Variants in CASP1 observed in about 807,000 individuals in gnomAD.
CASP1 encodes caspase-1.
CASP1 carries 31 observed loss-of-function variants against 41.2 expected under a neutral mutation model. The ratio of observed to expected loss-of-function variants is 0.75; its 90% CI spans 0.57 to 1.02. The LOEUF (loss-of-function observed/expected upper bound fraction) is 1.02. Among genes scored for constraint, CASP1 ranks in the 50% least tolerant of loss-of-function variants. The probability of loss-of-function intolerance (pLI) is 0.00; values close to 1 mark genes in which losing one functional copy is unlikely to be tolerated. For synonymous variants in CASP1, 163 were observed against 166.5 expected (o/e 0.98, Z 0.16); for missense variants, 490 against 495.7 (o/e 0.99, Z 0.11).
intron 7 of CASP1, among the ~76,000 whole-genome samples, 165 bp downstream of exon 7, chr11:105,028,959 T>C (rs1021302474): frequency 6.6e-6 from 1 of 152,170 alleles, no homozygotes; most frequent in Non-Finnish European, 1.5e-5. Context: ...TAGTAATGCA[T>C]TGAACAGATA....
chr11:105,029,293 A>C, intron 6 of CASP1, 26 bp from the exon 7 acceptor site: 1 of 1,600,256 alleles, frequency 6.2e-7, no homozygotes, highest in Non-Finnish European at 8.5e-7. Context: ...TTGATTTGTT[A>C]CTACTACCAA....
intron 3 of CASP1, among the ~76,000 whole-genome samples, chr11:105,032,644 G>A (rs181966379): frequency 1.7e-3 from 261 of 152,260 alleles, no homozygotes; most frequent in African/African-American, 5.9e-3. Flanking sequence ...AGAAGGAAGG[G>A]TCCCATATGA....
At chr11:105,028,895 C>T (rs567031575) in intron 7 of CASP1, among the ~76,000 whole-genome samples, 13 of 152,298 alleles carry the variant, frequency 8.5e-5, no homozygotes, top group African/African-American at 2.6e-4. Flanking sequence ...ATTTAATTCT[C>T]TGCTATCGCT....
Position 105,026,694 on chromosome 11 carries a change from G to A in CASP1, c.1116+148C>T, listed in dbSNP as rs895367235. The A allele has an allele frequency of 1.9e-5, 12 of 620,886 alleles. No homozygotes were observed. In the East Asian group the frequency reaches 3.3e-4, roughly 17 times the overall value. 38.5% of individuals were successfully genotyped at this position (620,886 alleles called of 1,614,324 possible). A position where few individuals can be genotyped will look rare whatever the true frequency, so the allele number is the denominator to read the frequency against. On this transcript the variant is annotated intron_variant, in intron 8 of 8. Transcript: ENST00000533400. ...TAGATTGGATTAGGCTCCTGGGTTT[G>A]TCCACTCTCCAAAGAACTCCAAAAC...
At position 105,029,853 on chromosome 11, in the gene CASP1, T is replaced by G; in HGVS notation, c.674A>C (p.Lys225Thr). Residue 225 changes from lysine (K) to threonine (T), a missense_variant, in exon 6 of 9, where the codon AAG becomes ACG. Lys to Thr is a moderately conservative substitution (Grantham distance 78, BLOSUM62 -1). Transcript: ENST00000533400. ...CACCAGGAACGTGCTGTCAGAGGTC[T>G]TGTGCTCTGGGCGGTGTGCAAATGC... The part of the protein sequence containing the change: ...LEAFAHRPEH[K>T]TSDSTFLVFM... 1.9e-6 allele frequency: 3 copies of G among 1,613,802 alleles called. No homozygotes were observed. Among genetic ancestry groups the G allele is most frequent in the Non-Finnish European group, 2.5e-6 (3 of 1,179,742 alleles).
chr11:105,032,627 G>C (rs574101722), intron 3 of CASP1, among the ~76,000 whole-genome samples: 6 of 152,276 alleles, frequency 3.9e-5, no homozygotes, highest in Admixed American at 3.9e-4. Context: ...AATGTTAGAG[G>C]TGCATGAGAA....
chr11:105,030,281 A>T, intron 5 of CASP1, 49 bp downstream of exon 5: 1 of 1,407,766 alleles, frequency 7.1e-7, no homozygotes, highest in Non-Finnish European at 9.8e-7. Flanking sequence ...AATATTATTC[A>T]GTTATACGAA....
chr11:105,036,545 T>G (rs75888398), upstream of CASP1, among the ~76,000 whole-genome samples: 5,900 of 152,214 alleles, frequency 0.039, 190 homozygotes, highest in Non-Finnish European at 0.061. Context: ...ATAATGAATG[T>G]CTCATGAGAT....
At position 105,029,201 on chromosome 11, in the gene CASP1, G is replaced by T; in HGVS notation, c.929C>A (p.Thr310Lys). ...AATAGCATCATCCTCAAACTCTTCT[G>T]TAGTTGGTAAAGATAGGTTTCCAGA... ...GVSGNLSLPTTEEFEDDAIKK... is the reference protein window; with the variant it reads ...GVSGNLSLPTKEEFEDDAIKK... The change falls in exon 7 of 9, where the codon ACA becomes AAA. Residue 310 changes from threonine (T) to lysine (K), a missense_variant. Physicochemically the swap from Thr to Lys is moderately conservative, Grantham distance 78. Transcript: ENST00000533400. The T allele has an allele frequency of 6.2e-7, 1 of 1,613,038 alleles. No individual in the cohort carries two copies. The highest frequency in any genetic ancestry group is 8.5e-7 in the Non-Finnish European group (1 of 1,179,278).
rs995872338 is a variant in CASP1, at chr11:105,034,671, G to A, written c.8-197C>T. Reference sequence around the variant, plus strand: ...TCCATACATGTGCATGGAGTGACCTGAAGACTGAGTTTACCATTTCCACAT... The same window carrying A: ...TCCATACATGTGCATGGAGTGACCTAAAGACTGAGTTTACCATTTCCACAT... On this transcript the variant is annotated intron_variant, in intron 1 of 8. Transcript: ENST00000533400. The A allele has an allele frequency of 1.6e-5, 14 of 897,868 alleles. No homozygotes were observed. The African/African-American group carries it at 1.9e-4, about 12-fold the overall frequency. The allele number at this position is 897,868 out of a possible 1,614,324, so 55.6% of individuals were successfully genotyped here.
chr11:105,026,773 T>G (rs917375742), intron 8 of CASP1, 69 bp downstream of exon 8: 2 of 839,938 alleles, frequency 2.4e-6, no homozygotes, highest in Non-Finnish European at 4.2e-6. Flanking sequence ...ATCTGCTTTC[T>G]ATGCTTCCAA....
Position 105,025,656 on chromosome 11 carries a change from A to G in CASP1, c.*602T>C. 1 of 392,722 alleles carries G rather than the reference A, an allele frequency of 2.5e-6. No homozygotes were observed. 24.3% of individuals were successfully genotyped at this position (392,722 alleles called of 1,614,324 possible). A position where few individuals can be genotyped will look rare whatever the true frequency, so the allele number is the denominator to read the frequency against. Reference sequence around the variant, plus strand: ...AACATAGGAAAGAATTTTGTTAAAGACATGCAAGTTATAAAGTTATACCAC... The same window carrying G: ...AACATAGGAAAGAATTTTGTTAAAGGCATGCAAGTTATAAAGTTATACCAC... On this transcript the variant is annotated 3_prime_UTR_variant, in exon 9 of 9. Transcript: ENST00000533400.
At chr11:105,027,322 C>T (rs1279843383) in intron 7 of CASP1, 1 of 366,138 alleles carries the variant, frequency 2.7e-6, no homozygotes, top group East Asian at 4.3e-5. Context: ...TTATCAAATT[C>T]TCAATTTATG....
chr11:105,033,104 A>G lies in CASP1; in HGVS notation c.297T>C (p.Leu99=). ...GTACTCCTTGAGAGTCTTGCATATT[A>G]AGGTAATTTCCAGATGTTTGATCTA... ...LSADQTSGNY[L]NMQDSQGVLS... Residue 99 remains leucine, a synonymous_variant, in exon 3 of 9, where the codon CTT becomes CTC. Coordinates refer to ENST00000533400, the MANE Select transcript of CASP1 (RefSeq NM_001257118.3). The G allele has an allele frequency of 6.3e-7, 1 of 1,586,542 alleles. No homozygotes were observed. The highest frequency in any genetic ancestry group is 8.6e-7 in the Non-Finnish European group (1 of 1,156,934).
At chr11:105,027,084 T>C in intron 7 of CASP1, 133 bp from the exon 8 acceptor site, 2 of 707,376 alleles carry the variant, frequency 2.8e-6, no homozygotes, top group Admixed American at 2.0e-5. Context: ...AAAGGCGGAA[T>C]GGGGTAGAGG....
At position 105,029,388 on chromosome 11, in the gene CASP1, G is replaced by C. The variant is rs503153; in HGVS notation, c.863-121C>G. 0.16 allele frequency: 121,463 copies of C among 776,658 alleles called. 10,674 individuals carry two copies. Among genetic ancestry groups the C allele is most frequent in the Admixed American group, 0.27 (9,446 of 35,020 alleles). 48.1% of individuals were successfully genotyped at this position (776,658 alleles called of 1,614,324 possible). A position where few individuals can be genotyped will look rare whatever the true frequency, so the allele number is the denominator to read the frequency against. On this transcript the variant is annotated intron_variant, in intron 6 of 8. Coordinates refer to ENST00000533400, the MANE Select transcript of CASP1 (RefSeq NM_001257118.3). ...TCTATCATTAATTCACATGCAAATA[G>C]ACACATGCATTTCAGTTACAATCTT...
At chr11:105,034,883 A>G (rs1863928638) in intron 1 of CASP1, among the ~76,000 whole-genome samples, 1 of 152,190 alleles carries the variant, frequency 6.6e-6, no homozygotes, top group Non-Finnish European at 1.5e-5. Flanking sequence ...AGATTGCAAA[A>G]TGACATCAGG....
At chr11:105,028,545 C>G (rs980597893) in intron 7 of CASP1, among the ~76,000 whole-genome samples, 2 of 151,904 alleles carry the variant, frequency 1.3e-5, no homozygotes, top group Non-Finnish European at 2.9e-5. Flanking sequence ...ACATATTAGT[C>G]AGCAATTCAA....
At chr11:105,030,669 A>C in intron 4 of CASP1, 166 bp from the exon 5 acceptor site, 1 of 567,272 alleles carries the variant, frequency 1.8e-6, no homozygotes, top group Non-Finnish European at 3.0e-6. Context: ...AAGAGTATGC[A>C]TGGACATTGC....
Sources: allele counts gnomAD v4.1 joint callset (sites outside exome capture counted in the v4.1 genomes callset), GRCh38; gene constraint gnomAD v4.1.1; transcripts MANE v1.5; gene names NCBI Gene and HGNC (gene_info 2026-07-23, HGNC 2026-07-21).